CAP2: variants seen among roughly 807,000 people sequenced by gnomAD.
CAP2 encodes the protein adenylyl cyclase-associated protein 2.
CAP2 carries 24 observed loss-of-function variants against 57.7 expected under a neutral mutation model. The observed-to-expected ratio is 0.42, with a 90% CI of 0.30 to 0.58. The LOEUF is 0.58. Among genes scored for constraint, CAP2 ranks in the 20% least tolerant of loss-of-function variants. The probability of loss-of-function intolerance (pLI) is 0.22; values close to 1 mark genes in which losing one functional copy is unlikely to be tolerated. For synonymous variants in CAP2, 194 were observed against 207.2 expected (o/e 0.94, Z 0.55); for missense variants, 501 against 590.3 (o/e 0.85, Z 1.57).
intron 1 of CAP2, among the ~76,000 whole-genome samples, chr6:17,396,643 G>GA (rs1369218569): frequency 1.3e-5 from 2 of 152,192 alleles, no homozygotes; most frequent in African/African-American, 4.8e-5. Context: ...TAGGGCTGAA[G>GA]GGGCTGGAGG....
intron 3 of CAP2, among the ~76,000 whole-genome samples, chr6:17,458,728 A>G (rs1330434294): frequency 2.6e-5 from 4 of 152,122 alleles, no homozygotes; most frequent in Non-Finnish European, 5.9e-5. Context: ...TTTACTAGAG[A>G]AGTCAGTCAC....
At chr6:17,457,655 C>T (rs1018285634) in intron 3 of CAP2, among the ~76,000 whole-genome samples, 1 of 152,158 alleles carries the variant, frequency 6.6e-6, no homozygotes, top group East Asian at 1.9e-4. Context: ...GCAGATATCT[C>T]AATATTGGGC....
chr6:17,521,726 C>T (rs568503296), intron 7 of CAP2, among the ~76,000 whole-genome samples: 1,940 of 152,236 alleles, frequency 0.013, 23 homozygotes, highest in Middle Eastern at 0.02. Context: ...ATGACGCTTG[C>T]ATAGACCAGG....
chr6:17,423,577 A>C (rs1002639922), intron 2 of CAP2, among the ~76,000 whole-genome samples: 4 of 152,218 alleles, frequency 2.6e-5, no homozygotes, highest in Non-Finnish European at 5.9e-5. Flanking sequence ...ACACAAAACA[A>C]AGTTAAAATC....
rs1581539740 is a variant in CAP2, at chr6:17,462,874, T to C, written c.223-122T>C. ...TGTTACGAACATTCATTTACAAGTT[T>C]TTGTGTGAAGATATATTTTCATTTT... On this transcript the variant is annotated intron_variant, in intron 3 of 12. Transcript: ENST00000229922. 7.0e-6 allele frequency: 5 copies of C among 713,282 alleles called. No homozygotes were observed. In the East Asian group the frequency reaches 1.3e-4, roughly 19 times the overall value. 44.2% of individuals were successfully genotyped at this position (713,282 alleles called of 1,614,324 possible).
chr6:17,393,990 CGCGCCCTGCCCCCGCCTCCCCAGCTCCG>C (rs1420557906), intron 1 of CAP2, among the ~76,000 whole-genome samples: 28 of 148,444 alleles, frequency 1.9e-4, no homozygotes, highest in African/African-American at 6.6e-4. Context: ...AGCGGAGCGG[CGCGCCCTGCCCCCGCCTCCCCAGCTCCG>C]GCGTCCTGGC....
At chr6:17,540,242 T>C (rs1762867330) in intron 8 of CAP2, among the ~76,000 whole-genome samples, 1 of 152,182 alleles carries the variant, frequency 6.6e-6, no homozygotes, top group Non-Finnish European at 1.5e-5. Flanking sequence ...TGAAACTCAT[T>C]TGCAAAGTAA....
chr6:17,520,736 G>T (rs1042426188), intron 7 of CAP2, among the ~76,000 whole-genome samples: 1 of 152,162 alleles, frequency 6.6e-6, no homozygotes, highest in Non-Finnish European at 1.5e-5. Context: ...AGACTCTGTG[G>T]CATGTCATTA....
At chr6:17,532,002 C>T (rs1561818176) in intron 7 of CAP2, among the ~76,000 whole-genome samples, 1 of 152,084 alleles carries the variant, frequency 6.6e-6, no homozygotes, top group Non-Finnish European at 1.5e-5. Flanking sequence ...AGCAAGGTAG[C>T]CCTTGGTAAA....
intron 4 of CAP2, chr6:17,493,377 A>C: frequency 2.7e-6 from 1 of 368,068 alleles, no homozygotes; most frequent in Non-Finnish European, 5.6e-6. Context: ...TTCTCTCTAC[A>C]GGCCAACAAG....
At chr6:17,493,379 G>A (rs754469892) in intron 4 of CAP2, 3 of 369,364 alleles carry the variant, frequency 8.1e-6, no homozygotes, top group South Asian at 2.1e-5. Flanking sequence ...CTCTCTACAG[G>A]CCAACAAGTT....
chr6:17,448,981 C>G (rs1010200075), intron 3 of CAP2, among the ~76,000 whole-genome samples: 9 of 152,132 alleles, frequency 5.9e-5, no homozygotes, highest in African/African-American at 2.2e-4. Context: ...AGGCTGGTCT[C>G]GAACTCCTGA....
chr6:17,522,761 G>C (rs1259901484), intron 7 of CAP2, among the ~76,000 whole-genome samples: 1 of 152,226 alleles, frequency 6.6e-6, no homozygotes, highest in Non-Finnish European at 1.5e-5. Context: ...GGGCTATGTA[G>C]TGTTTGAAGT....
intron 7 of CAP2, among the ~76,000 whole-genome samples, chr6:17,529,994 G>A (rs1038662923): frequency 6.6e-6 from 1 of 150,880 alleles, no homozygotes; most frequent in Non-Finnish European, 1.5e-5. Context: ...AAAAAAAAAA[G>A]TTCCATTGTA....
At chr6:17,498,521 G>A (rs1051586531) in intron 4 of CAP2, among the ~76,000 whole-genome samples, 5 of 151,808 alleles carry the variant, frequency 3.3e-5, no homozygotes, top group African/African-American at 9.7e-5. Context: ...CAAACTTCAG[G>A]GCTGCCCCGG....
At chr6:17,492,636 C>T (rs1186906621) in intron 4 of CAP2, among the ~76,000 whole-genome samples, 1 of 152,214 alleles carries the variant, frequency 6.6e-6, no homozygotes, top group African/African-American at 2.4e-5. Context: ...TGATCAGCTG[C>T]TAGCATGTGA....
chr6:17,418,192 T>C (rs566936330), intron 1 of CAP2, among the ~76,000 whole-genome samples: 15 of 152,210 alleles, frequency 9.9e-5, no homozygotes, highest in Non-Finnish European at 2.1e-4. Flanking sequence ...GATCATCCGA[T>C]CATCTTGGGC....
At chr6:17,548,143 A>G (rs1364461228) in intron 11 of CAP2, among the ~76,000 whole-genome samples, 1 of 152,010 alleles carries the variant, frequency 6.6e-6, no homozygotes, top group East Asian at 1.9e-4. Flanking sequence ...TGAGGCGGGC[A>G]GATCATGAGG....
intron 2 of CAP2, among the ~76,000 whole-genome samples, chr6:17,421,994 TGCCTCG>T (rs1280504376): frequency 2.0e-5 from 3 of 152,222 alleles, no homozygotes; most frequent in Non-Finnish European, 4.4e-5. Context: ...GGCATCTCCC[TGCCTCG>T]GCCTCCCGAA....
Sources: allele counts gnomAD v4.1 joint callset (sites outside exome capture counted in the v4.1 genomes callset), GRCh38; gene constraint gnomAD v4.1.1; transcripts MANE v1.5; gene names NCBI Gene and HGNC (gene_info 2026-07-23, HGNC 2026-07-21).